Variants in TLL2 observed in about 807,000 individuals in gnomAD.
TLL2 encodes the protein tolloid like 2, also known as tolloid-like protein 2.
Under a neutral mutation model 123.0 loss-of-function variants are expected in TLL2, and 106 were observed. That is an observed-to-expected ratio of 0.86 (90% CI 0.74 to 1.01). The LOEUF (loss-of-function observed/expected upper bound fraction) is 1.01. TLL2 is among the 50% of genes least tolerant of loss of function. TLL2 has a pLI of 0.00. For missense variants in TLL2, 1,332 were observed against 1,336.7 expected (o/e 1.00, Z 0.06); for synonymous variants, 494 against 516.8 (o/e 0.96, Z 0.60).
intron 2 of TLL2, among the ~76,000 whole-genome samples, chr10:96,472,013 A>C (rs1847189232): frequency 6.6e-6 from 1 of 152,118 alleles, no homozygotes; most frequent in South Asian, 2.1e-4. Flanking sequence ...TAGAGAAAAG[A>C]GGCCACCAGG....
intron 7 of TLL2, among the ~76,000 whole-genome samples, chr10:96,418,685 G>A (rs1846589143): frequency 2.0e-5 from 3 of 146,942 alleles, no homozygotes; most frequent in South Asian, 2.2e-4. Context: ...ACATATGAAT[G>A]TATATGAATA....
At chr10:96,375,971 G>A (rs1846134803) in intron 18 of TLL2, among the ~76,000 whole-genome samples, 1 of 152,194 alleles carries the variant, frequency 6.6e-6, no homozygotes, top group African/African-American at 2.4e-5. Context: ...CCTGGGGGTT[G>A]AGAAATGAGA....
At chr10:96,393,720 C>CT (rs1044972664) in intron 13 of TLL2, among the ~76,000 whole-genome samples, 52 of 102,226 alleles carry the variant, frequency 5.1e-4, no homozygotes, top group South Asian at 1.5e-3. Flanking sequence ...TATGGCCTGG[C>CT]TTTTTTTTTC....
chr10:96,379,721 C>T (rs1347997193), intron 16 of TLL2, among the ~76,000 whole-genome samples: 1 of 152,208 alleles, frequency 6.6e-6, no homozygotes, highest in African/African-American at 2.4e-5. Context: ...ACGCGGGAGG[C>T]TGAGGCAGGA....
At chr10:96,444,915 T>C (rs78482592) in intron 3 of TLL2, among the ~76,000 whole-genome samples, 5,023 of 152,002 alleles carry the variant, frequency 0.033, 111 homozygotes, top group Middle Eastern at 0.085. Flanking sequence ...CTTGGCCAGG[T>C]GCGGTGGCTC....
At chr10:96,393,254 T>C (rs1163151394) in intron 13 of TLL2, among the ~76,000 whole-genome samples, 1 of 152,208 alleles carries the variant, frequency 6.6e-6, no homozygotes, top group Non-Finnish European at 1.5e-5. Flanking sequence ...CTGTGGTAAA[T>C]TGCTACAGCA....
chr10:96,401,510 A>ACACACACACACACG (rs1846394112), intron 10 of TLL2, among the ~76,000 whole-genome samples: 1 of 151,510 alleles, frequency 6.6e-6, no homozygotes. Context: ...CTCTACACAC[A>ACACACACACACACG]CACACACACA....
intron 1 of TLL2, among the ~76,000 whole-genome samples, chr10:96,509,243 A>G (rs912889795): frequency 2.6e-5 from 4 of 152,198 alleles, no homozygotes; most frequent in Admixed American, 2.0e-4. Context: ...TGGAACAAAG[A>G]CAAGCCTCCC....
At chr10:96,513,453 A>G in intron 1 of TLL2, 58 bp downstream of exon 1, 1 of 1,604,072 alleles carries the variant, frequency 6.2e-7, no homozygotes, top group Admixed American at 1.7e-5. Flanking sequence ...CTTGCCCACC[A>G]CCTCATTTGC....
chr10:96,513,404 G>T, intron 1 of TLL2, 107 bp downstream of exon 1: 2 of 1,375,390 alleles, frequency 1.5e-6, no homozygotes, highest in Non-Finnish European at 2.0e-6. Flanking sequence ...GATCTCAGGG[G>T]AGGGGAGGGG....
intron 1 of TLL2, among the ~76,000 whole-genome samples, chr10:96,491,619 C>G (rs1422828992): frequency 6.6e-6 from 1 of 152,132 alleles, no homozygotes; most frequent in Non-Finnish European, 1.5e-5. Context: ...ATAAATTAGT[C>G]AAATACAGTT....
chr10:96,393,272 GA>G (rs1846306130), intron 13 of TLL2, among the ~76,000 whole-genome samples: 1 of 152,216 alleles, frequency 6.6e-6, no homozygotes, highest in Non-Finnish European at 1.5e-5. Context: ...GCAGGAATAG[GA>G]AACCAGTCCA....
At chr10:96,447,620 G>A (rs1378159560) in intron 2 of TLL2, among the ~76,000 whole-genome samples, 1 of 152,120 alleles carries the variant, frequency 6.6e-6, no homozygotes, top group Non-Finnish European at 1.5e-5. Context: ...GTGACACCAG[G>A]GAGCAGATTT....
chr10:96,393,579 C>T (rs1179179682), intron 13 of TLL2, among the ~76,000 whole-genome samples: 5 of 152,218 alleles, frequency 3.3e-5, no homozygotes, highest in Non-Finnish European at 7.3e-5. Flanking sequence ...CCACCCCAGG[C>T]TGGGAGACAC....
In TLL2 at chr10:96,373,777, C is replaced by T. The variant is rs1440143293; in HGVS notation, c.2481G>A (p.Gln827=). The change falls in exon 19 of 21, where the codon CAG becomes CAA. Residue 827 remains glutamine (Q), a synonymous_variant. Transcript: ENST00000357947. Reference sequence around the variant, plus strand: ...TTTCCAGGTGGTCATAGGCACATTCCTGGTGCTGCTCGATCTCAAACTCAT... The same window carrying T: ...TTTCCAGGTGGTCATAGGCACATTCTTGGTGCTGCTCGATCTCAAACTCAT... ...TFNEFEIEQH[Q]ECAYDHLEMY... The T allele has an allele frequency of 3.1e-6, 5 of 1,614,054 alleles. No homozygotes were observed. The highest frequency in any genetic ancestry group is 4.2e-6 in the Non-Finnish European group (5 of 1,180,062).
chr10:96,367,388 T>C lies in TLL2; in HGVS notation c.*700A>G, dbSNP rs1234650489. On this transcript the variant is annotated 3_prime_UTR_variant, in exon 21 of 21. Transcript: ENST00000357947. The stretch of plus-strand genomic sequence containing the variant: ...CTCGCCAGCAAATGTTCTGCTGTAT[T>C]CATAATGGATGCCTTAGCCCCCACT... 1 of 152,238 alleles carries C rather than the reference T, an allele frequency of 6.6e-6. No individual in the cohort carries two copies. Among genetic ancestry groups the C allele is most frequent in the Non-Finnish European group, 1.5e-5 (1 of 68,070 alleles). 9.4% of individuals were successfully genotyped at this position (152,238 alleles called of 1,614,324 possible). A position where few individuals can be genotyped will look rare whatever the true frequency, so the allele number is the denominator to read the frequency against.
Position 96,426,162 on chromosome 10 carries a change from CCAAT to C in TLL2, c.638+2465_638+2468del, listed in dbSNP as rs1360781889. ...TATGAATATAGCTTCTCTTCTTTGA[CCAAT>C]CAATCTTGAGAATAGATTTCCTAAT... is the stretch of plus-strand genomic sequence containing the variant. On this transcript the variant is annotated intron_variant, in intron 5 of 20. Transcript: ENST00000357947. Among the ~76,000 whole-genome samples, 3 of 152,004 alleles carry C rather than the reference CCAAT, an allele frequency of 2.0e-5. No homozygotes were observed. The South Asian group carries it at 6.2e-4, about 31-fold the overall frequency.
At position 96,376,807 on chromosome 10, in the gene TLL2, T is replaced by C; in HGVS notation, c.2333A>G (p.His778Arg). ...GHDCKEAGCA[H>R]KISSVEGTLA... ...GGTCCCCTCCACACTGCTGATCTTG[T>C]GTGCACAGCCAGCTGGGGGTGGCAG... The change falls in exon 18 of 21, where the codon CAC (histidine) becomes CGC (arginine). Residue 778 changes from histidine (H) to arginine (R), a missense_variant. Transcript: ENST00000357947. The C allele has an allele frequency of 6.5e-7, 1 of 1,544,028 alleles. No individual in the cohort carries two copies. Among genetic ancestry groups the C allele is most frequent in the Non-Finnish European group, 8.7e-7 (1 of 1,148,776 alleles).
intron 10 of TLL2, among the ~76,000 whole-genome samples, chr10:96,399,167 G>T (rs1463864500): frequency 6.6e-6 from 1 of 152,170 alleles, no homozygotes; most frequent in African/African-American, 2.4e-5. Context: ...CACCGCGCCT[G>T]GCTGTGATGA....
Sources: gnomAD v4.1 joint callset for allele counts (sites outside exome capture counted in the v4.1 genomes callset) on GRCh38, gnomAD v4.1.1 for gene constraint, MANE v1.5 for transcripts, NCBI Gene and HGNC (gene_info 2026-07-23, HGNC 2026-07-21) for gene names.